The following CGNL1 variants were observed in gnomAD, a reference collection of about 807,000 sequenced individuals.
CGNL1 encodes the protein cingulin like 1.
CGNL1 carries 132 observed loss-of-function variants against 141.2 expected under a neutral mutation model. The observed-to-expected ratio is 0.93, with a 90% confidence interval of 0.81 to 1.08. The LOEUF (loss-of-function observed/expected upper bound fraction) is 1.08. CGNL1 is among the 50% of genes least tolerant of loss of function. The probability of loss-of-function intolerance (pLI) is 0.00; values close to 1 mark genes in which losing one functional copy is unlikely to be tolerated. For synonymous variants in CGNL1, 690 were observed against 622.1 expected (o/e 1.11, Z -1.63); for missense variants, 1,870 against 1,588.6 (o/e 1.18, Z -3.01).
At chr15:57,467,338 G>T (rs60826882) in intron 8 of CGNL1, among the ~76,000 whole-genome samples, 1 of 152,180 alleles carries the variant, frequency 6.6e-6, no homozygotes, top group Non-Finnish European at 1.5e-5. Context: ...TTAGGGAGGG[G>T]ACAGTATTTG....
At chr15:57,440,110 A>T (rs1374690608) in intron 2 of CGNL1, among the ~76,000 whole-genome samples, 1 of 34,388 alleles carries the variant, frequency 2.9e-5, no homozygotes, top group Non-Finnish European at 8.3e-5. Flanking sequence ...ATAAAATGGT[A>T]AAAAAAAAAA....
chr15:57,408,259 G>A (rs1418167764), intron 1 of CGNL1, among the ~76,000 whole-genome samples: 4 of 151,946 alleles, frequency 2.6e-5, no homozygotes, highest in African/African-American at 7.3e-5. Flanking sequence ...TTGGTAAAGG[G>A]AAAACAGAGT....
intron 1 of CGNL1, among the ~76,000 whole-genome samples, chr15:57,403,100 T>C (rs1268865408): frequency 1.3e-5 from 2 of 152,196 alleles, no homozygotes; most frequent in Non-Finnish European, 2.9e-5. Context: ...CCACAATGCT[T>C]GCCAGGACTT....
Position 57,478,590 on chromosome 15 carries a change from G to A in CGNL1, c.2403+16698G>A, listed in dbSNP as rs944509262. On this transcript the variant is annotated intron_variant, in intron 8 of 18. Transcript: ENST00000281282. ...TGGAAAGCTGTTAATAGCTTAAAAG[G>A]TCTCATTAGCTGCTAGATAGGCCTA... 2.6e-5 allele frequency among the ~76,000 whole-genome samples: 4 copies of A among 152,140 alleles called. No homozygotes were observed. In the East Asian group the frequency reaches 5.8e-4, roughly 22 times the overall value.
At chr15:57,440,540 G>A (rs1238697617) in intron 3 of CGNL1, 69 bp downstream of exon 3, 13 of 1,234,972 alleles carry the variant, frequency 1.1e-5, no homozygotes, top group Middle Eastern at 1.8e-4. Flanking sequence ...TTCCTTTTCC[G>A]AGGCTTTAAT....
At chr15:57,519,952 C>T (rs2031133096) in intron 10 of CGNL1, among the ~76,000 whole-genome samples, 2 of 152,222 alleles carry the variant, frequency 1.3e-5, no homozygotes, top group Admixed American at 6.5e-5. Context: ...ATTCAGTGCA[C>T]AGAACAGGTG....
intron 1 of CGNL1, among the ~76,000 whole-genome samples, chr15:57,437,030 C>T (rs1472529623): frequency 1.3e-5 from 2 of 152,036 alleles, no homozygotes; most frequent in African/African-American, 4.8e-5. Context: ...CCAGTTGCTA[C>T]TGTTCTTCCT....
intron 1 of CGNL1, among the ~76,000 whole-genome samples, chr15:57,414,972 T>A (rs1386697788): frequency 6.6e-6 from 1 of 152,054 alleles, no homozygotes; most frequent in Non-Finnish European, 1.5e-5. Context: ...GTGGGTTGTG[T>A]GGTTTTGGGT....
chr15:57,494,443 C>T (rs2922227), intron 8 of CGNL1, among the ~76,000 whole-genome samples: 46,550 of 152,042 alleles, frequency 0.31, 7,935 homozygotes, highest in Non-Finnish European at 0.39. Flanking sequence ...TTCTTTGTTC[C>T]TTTTTTCTCC....
intron 1 of CGNL1, among the ~76,000 whole-genome samples, chr15:57,380,491 C>T (rs1372739094): frequency 6.6e-5 from 10 of 152,070 alleles, no homozygotes; most frequent in African/African-American, 2.4e-4. Context: ...CACAGTGGCC[C>T]GTGGGGTACT....
At chr15:57,482,541 G>T (rs1363294385) in intron 8 of CGNL1, among the ~76,000 whole-genome samples, 4 of 152,108 alleles carry the variant, frequency 2.6e-5, no homozygotes, top group Non-Finnish European at 5.9e-5. Flanking sequence ...TTTGTTGAGA[G>T]GGTTATTCTT....
intron 1 of CGNL1, among the ~76,000 whole-genome samples, chr15:57,381,309 C>A (rs929798382): frequency 3.9e-5 from 6 of 152,078 alleles, no homozygotes; most frequent in Non-Finnish European, 8.8e-5. Context: ...CCTGTAATCC[C>A]AGCACTTTGG....
intron 1 of CGNL1, among the ~76,000 whole-genome samples, chr15:57,381,205 A>G (rs2152213221): frequency 6.6e-6 from 1 of 152,300 alleles, no homozygotes; most frequent in African/African-American, 2.4e-5. Flanking sequence ...GGCAGGTGGC[A>G]GTGACCTCAT....
chr15:57,481,064 G>GTTTTTTT (rs11298152), intron 8 of CGNL1, among the ~76,000 whole-genome samples: 8,211 of 115,432 alleles, frequency 0.071, 329 homozygotes, highest in Non-Finnish European at 0.099. Flanking sequence ...AAGACCTGGG[G>GTTTTTTT]TTTTTTTTTT....
rs202218638 is a variant in CGNL1, at chr15:57,440,359, A to T, written c.1603-18A>T. ...GGAACTTCATCCTCATGGTCTAACA[A>T]CAGGCCTTATGTTCCAGGCCACACC... is the stretch of plus-strand genomic sequence containing the variant. On this transcript the variant is annotated intron_variant, in intron 2 of 18. Transcript: ENST00000281282. The T allele has an allele frequency of 1.8e-5, 29 of 1,574,258 alleles. No individual in the cohort carries two copies. The highest frequency in any genetic ancestry group is 1.2e-4 in the South Asian group (10 of 86,170).
intron 8 of CGNL1, among the ~76,000 whole-genome samples, chr15:57,501,314 G>T (rs1399382069): frequency 6.6e-6 from 1 of 152,216 alleles, no homozygotes; most frequent in Non-Finnish European, 1.5e-5. Flanking sequence ...AGAAGCAAAG[G>T]ATTATAACAG....
intron 8 of CGNL1, among the ~76,000 whole-genome samples, chr15:57,510,610 G>A (rs985209276): frequency 1.3e-5 from 2 of 152,132 alleles, no homozygotes; most frequent in Non-Finnish European, 2.9e-5. Flanking sequence ...AAGAGACATA[G>A]TAGAATGAAA....
chr15:57,442,569 G>C (rs1422820128), intron 4 of CGNL1, 91 bp downstream of exon 4: 5 of 764,046 alleles, frequency 6.5e-6, no homozygotes, highest in Non-Finnish European at 1.1e-5. Context: ...TTTGTTTATA[G>C]CAGTAAGTGG....
intron 8 of CGNL1, among the ~76,000 whole-genome samples, chr15:57,472,162 C>G (rs893891120): frequency 6.6e-6 from 1 of 151,852 alleles, no homozygotes; most frequent in Non-Finnish European, 1.5e-5. Flanking sequence ...TTGAGGAAAA[C>G]GATGATGGAA....
Sources: allele counts gnomAD v4.1 joint callset (sites outside exome capture counted in the v4.1 genomes callset), GRCh38; gene constraint gnomAD v4.1.1; transcripts MANE v1.5; gene names NCBI Gene and HGNC (gene_info 2026-07-23, HGNC 2026-07-21).